The following PDE4D variants were observed in gnomAD, a reference collection of about 807,000 sequenced individuals.
PDE4D encodes the protein phosphodiesterase 4D.
A neutral mutation model predicts 87.4 loss-of-function variants in PDE4D; 24 were observed. That is an observed-to-expected ratio of 0.27 (90% confidence interval 0.20 to 0.39). The LOEUF is 0.39. Among genes scored for constraint, PDE4D ranks in the 10% least tolerant of loss-of-function variants. The pLI, the probability that PDE4D is intolerant of heterozygous loss-of-function variation, is 1.00. For missense variants in PDE4D, 714 were observed against 1,041.0 expected, an observed-to-expected ratio of 0.69 and a Z score of 4.32; for synonymous variants, 384 against 383.2, an observed-to-expected ratio of 1.00 and a Z score of -0.02.
At chr5:60,488,173 G>A (rs2150230943), upstream of PDE4D, 1 of 152,680 alleles carries the variant, frequency 6.5e-6, no homozygotes, top group African/African-American at 2.4e-5. Context: ...AAAGCTGAAA[G>A]GGCTGCACTG....
At chr5:59,738,672 T>C (rs2150655329) in intron 1 of PDE4D, among the ~76,000 whole-genome samples, 1 of 151,992 alleles carries the variant, frequency 6.6e-6, no homozygotes, top group East Asian at 1.9e-4. Flanking sequence ...TATCATCTAT[T>C]TTTACATGCC....
intron 5 of PDE4D, among the ~76,000 whole-genome samples, chr5:59,043,428 C>G (rs1353050748): frequency 6.6e-6 from 1 of 152,066 alleles, no homozygotes; most frequent in Non-Finnish European, 1.5e-5. Flanking sequence ...GAGGCTGAGG[C>G]AGGAGAATGG....
intron 1 of PDE4D, among the ~76,000 whole-genome samples, chr5:59,410,557 T>C (rs1392135252): frequency 6.6e-6 from 1 of 152,174 alleles, no homozygotes; most frequent in Non-Finnish European, 1.5e-5. Flanking sequence ...AGTTCAAGTA[T>C]TTTTATTTTA....
chr5:59,337,334 C>CT (rs1331519826), intron 1 of PDE4D, among the ~76,000 whole-genome samples: 1 of 143,760 alleles, frequency 7.0e-6, no homozygotes, highest in Non-Finnish European at 1.5e-5. Flanking sequence ...CCCCCCCCCC[C>CT]ACCTTTTTTT....
At chr5:59,221,129 T>G (rs1364000970) in intron 1 of PDE4D, among the ~76,000 whole-genome samples, 2 of 152,146 alleles carry the variant, frequency 1.3e-5, no homozygotes, top group Non-Finnish European at 2.9e-5. Flanking sequence ...CTATGTTCAG[T>G]AGTATGCTCA....
At chr5:59,092,670 C>G (rs1768953318) in intron 5 of PDE4D, among the ~76,000 whole-genome samples, 1 of 152,186 alleles carries the variant, frequency 6.6e-6, no homozygotes, top group Non-Finnish European at 1.5e-5. Flanking sequence ...AATACCACCT[C>G]TACCATTTAC....
At chr5:60,131,648 G>T (rs1313589305) in intron 2 of PDE4D, among the ~76,000 whole-genome samples, 1 of 152,202 alleles carries the variant, frequency 6.6e-6, no homozygotes, top group Non-Finnish European at 1.5e-5. Flanking sequence ...CAGAAGCAGA[G>T]CTGATCAACT....
At chr5:59,904,200 A>G (rs1173335150) in intron 3 of PDE4D, among the ~76,000 whole-genome samples, 2 of 152,168 alleles carry the variant, frequency 1.3e-5, no homozygotes, top group Non-Finnish European at 2.9e-5. Context: ...TGCATTTTAC[A>G]TATGTATAGA....
At chr5:60,094,070 T>C (rs1416853580) in intron 2 of PDE4D, among the ~76,000 whole-genome samples, 1 of 152,160 alleles carries the variant, frequency 6.6e-6, no homozygotes, top group Non-Finnish European at 1.5e-5. Flanking sequence ...TAAAATAATA[T>C]TGACCATGCA....
At chr5:59,836,642 C>CTATCTATCTATCTATA (rs1554095478) in intron 1 of PDE4D, among the ~76,000 whole-genome samples, 3,892 of 148,944 alleles carry the variant, frequency 0.026, 154 homozygotes, top group African/African-American at 0.087. Context: ...ATCTATCTAT[C>CTATCTATCTATCTATA]TATCTATCTA....
At chr5:59,947,260 C>T (rs186394424) in intron 3 of PDE4D, among the ~76,000 whole-genome samples, 1 of 152,244 alleles carries the variant, frequency 6.6e-6, no homozygotes, top group African/African-American at 2.4e-5. Flanking sequence ...AGCACTTTGC[C>T]GTCTTTTGAG....
chr5:59,931,629 A>G (rs1755931950), intron 3 of PDE4D, among the ~76,000 whole-genome samples: 1 of 151,968 alleles, frequency 6.6e-6, no homozygotes, highest in Non-Finnish European at 1.5e-5. Context: ...TTGAGAGCAG[A>G]ACCCTCATGA....
intron 2 of PDE4D, among the ~76,000 whole-genome samples, chr5:60,040,955 T>C (rs1056770137): frequency 1.3e-5 from 2 of 152,202 alleles, no homozygotes; most frequent in East Asian, 3.8e-4. Flanking sequence ...ATAAGTTGAA[T>C]GCTTTAGCTG....
chr5:59,391,452 G>C (rs1788225227), intron 1 of PDE4D, among the ~76,000 whole-genome samples: 1 of 152,062 alleles, frequency 6.6e-6, no homozygotes, highest in East Asian at 1.9e-4. Flanking sequence ...AAGAGTACCT[G>C]TCTGTCCAAA....
At chr5:59,407,102 GA>G (rs1347988056) in intron 1 of PDE4D, among the ~76,000 whole-genome samples, 1 of 152,174 alleles carries the variant, frequency 6.6e-6, no homozygotes, top group Non-Finnish European at 1.5e-5. Context: ...CTCATGTTGA[GA>G]TGTAATCCTC....
chr5:60,009,805 G>T (rs1210233026), intron 2 of PDE4D, among the ~76,000 whole-genome samples: 2 of 152,202 alleles, frequency 1.3e-5, no homozygotes, highest in South Asian at 4.1e-4. Flanking sequence ...AACTGTTTAA[G>T]CTGATTTGTC....
intron 2 of PDE4D, among the ~76,000 whole-genome samples, chr5:60,042,555 GC>G (rs1254522643): frequency 2.0e-5 from 3 of 152,178 alleles, no homozygotes; most frequent in African/African-American, 7.2e-5. Context: ...GATCCAGCTG[GC>G]ATCTGGTGGG....
chr5:60,204,002 T>C (rs1742210635), intron 1 of PDE4D, among the ~76,000 whole-genome samples: 1 of 152,240 alleles, frequency 6.6e-6, no homozygotes, highest in Non-Finnish European at 1.5e-5. Context: ...AGCATTAGTT[T>C]ACATCTTTAA....
intron 1 of PDE4D, among the ~76,000 whole-genome samples, chr5:59,478,180 C>T (rs1803647421): frequency 2.0e-5 from 3 of 152,002 alleles, no homozygotes; most frequent in Admixed American, 6.6e-5. Context: ...CATGTGCCCC[C>T]TGTATCTAAA....
Sources: allele counts gnomAD v4.1 joint callset (sites outside exome capture counted in the v4.1 genomes callset), GRCh38; gene constraint gnomAD v4.1.1; transcripts MANE v1.5; gene names NCBI Gene and HGNC (gene_info 2026-07-23, HGNC 2026-07-21).